The following PRIM2 variants were observed in gnomAD, a reference collection of about 807,000 sequenced individuals.
PRIM2 encodes the protein DNA primase large subunit.
Under a neutral mutation model 67.3 loss-of-function variants are expected in PRIM2, and 39 were observed. The observed-to-expected ratio is 0.58, with a 90% CI of 0.45 to 0.76. The LOEUF is 0.76. Ranked by LOEUF, PRIM2 falls within the 30% of genes least tolerant of loss-of-function variation. The pLI, the probability that PRIM2 is intolerant of heterozygous loss-of-function variation, is 0.00. For missense variants in PRIM2, 398 were observed against 598.7 expected, an observed-to-expected ratio of 0.66 and a Z score of 3.50; for synonymous variants, 143 against 198.7, an observed-to-expected ratio of 0.72 and a Z score of 2.36.
In PRIM2 at chr6:57,605,602, G is replaced by GA. The variant is rs1196160539; in HGVS notation, c.1148-765dup. Among the ~76,000 whole-genome samples the GA allele has an allele frequency of 7.5e-4, 114 of 151,696 alleles. 2 individuals carry two copies. The highest frequency in any genetic ancestry group is 1.9e-3 in the Admixed American group (29 of 15,256). ...TTACAAATCTGTCATCTGTATGACT[G>GA]AAAAAAAAGACTTTTCTATATTAAA... On this transcript the variant is annotated intron_variant, in intron 11 of 13. Coordinates refer to ENST00000615550, the MANE Select transcript of PRIM2 (RefSeq NM_000947.5).
rs1314395742 is a variant in PRIM2, at chr6:57,561,674, A to G, written c.1020+24049A>G. Among the ~76,000 whole-genome samples, 22 of 152,306 alleles carry G rather than the reference A, an allele frequency of 1.4e-4. No homozygotes were observed. In the South Asian group the frequency reaches 3.9e-3, roughly 27 times the overall value. On this transcript the variant is annotated intron_variant, in intron 10 of 13. Coordinates refer to ENST00000615550, the MANE Select transcript of PRIM2 (RefSeq NM_000947.5). ...TTTAATCTTCCATCTAGACTACTCA[A>G]TCTTTCTCCACATCAGCACTAAGCC... is the stretch of plus-strand genomic sequence containing the variant.
chr6:57,553,569 A>AT (rs1461658080), intron 10 of PRIM2, among the ~76,000 whole-genome samples: 2 of 151,768 alleles, frequency 1.3e-5, no homozygotes, highest in Non-Finnish European at 2.9e-5. Flanking sequence ...AGGTGGACTT[A>AT]TTTTTAAAGG....
chr6:57,326,800 A>T (rs968883402), intron 5 of PRIM2, among the ~76,000 whole-genome samples: 3 of 152,018 alleles, frequency 2.0e-5, no homozygotes, highest in Admixed American at 2.0e-4. Flanking sequence ...TTGCAGACAT[A>T]TCTGAATGAT....
intron 10 of PRIM2, among the ~76,000 whole-genome samples, chr6:57,581,083 A>AT (rs1776076517): frequency 6.6e-6 from 1 of 152,180 alleles, no homozygotes; most frequent in Admixed American, 6.5e-5. Flanking sequence ...AAAAATCATA[A>AT]TTCTTGTTTC....
At chr6:57,532,694 A>G (rs1266789416) in intron 9 of PRIM2, among the ~76,000 whole-genome samples, 1 of 152,246 alleles carries the variant, frequency 6.6e-6, no homozygotes, top group East Asian at 1.9e-4. Context: ...TTATGAAAAC[A>G]GAATTTAATC....
chr6:57,311,897 C>T (rs930047626), upstream of PRIM2, among the ~76,000 whole-genome samples: 4 of 151,792 alleles, frequency 2.6e-5, no homozygotes, highest in Admixed American at 6.6e-5. Flanking sequence ...AGTGGCGGCG[C>T]GTGCCTGGCA....
intron 8 of PRIM2, among the ~76,000 whole-genome samples, chr6:57,513,751 G>A (rs1334460930): frequency 6.6e-6 from 1 of 152,176 alleles, no homozygotes; most frequent in Non-Finnish European, 1.5e-5. Context: ...GCGCGCACCT[G>A]TAATCCCAGC....
chr6:57,380,913 G>C (rs1741917), intron 6 of PRIM2, among the ~76,000 whole-genome samples: 120,765 of 139,032 alleles, frequency 0.87, 51,799 homozygotes, highest in African/African-American at 0.94. Context: ...CAGTTAGCCT[G>C]TGTCTTCCTC....
At position 57,573,737 on chromosome 6, in the gene PRIM2, G is replaced by A. The variant is rs1313952875; in HGVS notation, c.1021-27356G>A. ...GATTTGTCTTTGGAAGTTTCTAAAT[G>A]TGATATAGCATAGGAAAACAAATAT... On this transcript the variant is annotated intron_variant, in intron 10 of 13. Transcript: ENST00000615550. Among the ~76,000 whole-genome samples the A allele has an allele frequency of 2.0e-5, 3 of 152,160 alleles. No homozygotes were observed. The East Asian group carries it at 5.8e-4, about 29-fold the overall frequency.
intron 7 of PRIM2, among the ~76,000 whole-genome samples, chr6:57,414,030 G>A (rs1771179185): frequency 6.6e-6 from 1 of 152,054 alleles, no homozygotes; most frequent in Admixed American, 6.6e-5. Context: ...ACATTGATGT[G>A]GACTAGGCAG....
chr6:57,561,242 T>A (rs1775622406), intron 10 of PRIM2, among the ~76,000 whole-genome samples: 1 of 152,178 alleles, frequency 6.6e-6, no homozygotes, highest in African/African-American at 2.4e-5. Flanking sequence ...TTTTGGTGTG[T>A]GTGTGTGGAG....
the PRIM2 span, among the ~76,000 whole-genome samples, chr6:57,235,897 A>G: frequency 2.0e-5 from 3 of 152,158 alleles, no homozygotes; most frequent in African/African-American, 7.2e-5. Context: ...CAAGTCAAGG[A>G]ATGCAAGTGG....
chr6:57,642,342 T>G (rs1329747009), intron 13 of PRIM2, among the ~76,000 whole-genome samples: 4 of 151,720 alleles, frequency 2.6e-5, no homozygotes, highest in African/African-American at 9.7e-5. Context: ...CTGCACGTTC[T>G]GCACATGGAC....
chr6:57,645,269 A>G (rs1467090001), intron 13 of PRIM2, among the ~76,000 whole-genome samples: 1 of 151,130 alleles, frequency 6.6e-6, no homozygotes, highest in African/African-American at 2.4e-5. Flanking sequence ...TGGGGATACA[A>G]TAATGAATCA....
chr6:57,406,915 G>A (rs540464693), intron 7 of PRIM2, among the ~76,000 whole-genome samples: 1 of 151,106 alleles, frequency 6.6e-6, no homozygotes, highest in African/African-American at 2.4e-5. Flanking sequence ...GATTGTATTT[G>A]TTGAGTTGCA....
intron 11 of PRIM2, among the ~76,000 whole-genome samples, chr6:57,601,701 A>G (rs1249341661): frequency 6.6e-6 from 1 of 152,332 alleles, no homozygotes; most frequent in East Asian, 1.9e-4. Flanking sequence ...ACATGTCGTG[A>G]TATCTGCCAT....
In PRIM2 at chr6:57,396,265, C is replaced by A. The variant is rs117855386; in HGVS notation, c.693+14097C>A. ...GCTATCAGTGGGGTATTGAAGTCTCCCACTGTTTTGTCTTGCTATCTCATT... is the reference window on the plus strand; with the variant it reads ...GCTATCAGTGGGGTATTGAAGTCTCACACTGTTTTGTCTTGCTATCTCATT... On this transcript the variant is annotated intron_variant, in intron 7 of 13. Transcript: ENST00000615550. 8.9e-3 allele frequency among the ~76,000 whole-genome samples: 1,350 copies of A among 152,142 alleles called. 77 individuals carry two copies. In the East Asian group the frequency reaches 0.15, roughly 17 times the overall value.
chr6:57,261,232 G>A, the PRIM2 span, among the ~76,000 whole-genome samples: 1 of 152,180 alleles, frequency 6.6e-6, no homozygotes, highest in Non-Finnish European at 1.5e-5. Context: ...GCATCCTTGA[G>A]ATTATCAAGA....
At chr6:57,503,009 C>G (rs1349932811) in intron 7 of PRIM2, among the ~76,000 whole-genome samples, 2 of 152,190 alleles carry the variant, frequency 1.3e-5, no homozygotes, top group African/African-American at 4.8e-5. Context: ...ATTAGAAATA[C>G]AAGACCAAAA....
Sources: allele counts gnomAD v4.1 joint callset (sites outside exome capture counted in the v4.1 genomes callset), GRCh38; gene constraint gnomAD v4.1.1; transcripts MANE v1.5; gene names NCBI Gene and HGNC (gene_info 2026-07-23, HGNC 2026-07-21).